The following SDCCAG8 variants were observed in gnomAD, a reference collection of about 807,000 sequenced individuals.
The protein encoded by SDCCAG8 is serologically defined colon cancer antigen 8.
Under a neutral mutation model 101.8 loss-of-function variants are expected in SDCCAG8, and 74 were observed. That is an observed-to-expected ratio of 0.73 (90% CI 0.60 to 0.88). The LOEUF (loss-of-function observed/expected upper bound fraction) is 0.88, where lower values mean the gene tolerates loss of function less well. Ranked by LOEUF, SDCCAG8 falls within the 40% of genes least tolerant of loss-of-function variation. SDCCAG8 has a pLI of 0.00. For missense variants in SDCCAG8, 787 were observed against 822.6 expected (o/e 0.96, Z 0.53); for synonymous variants, 281 against 292.9 (o/e 0.96, Z 0.41).
chr1:243,424,623 T>C (rs2081223863), intron 15 of SDCCAG8, among the ~76,000 whole-genome samples: 1 of 152,054 alleles, frequency 6.6e-6, no homozygotes, highest in Non-Finnish European at 1.5e-5. Context: ...ATAGCCACAT[T>C]ATCAGAATAA....
intron 13 of SDCCAG8, among the ~76,000 whole-genome samples, chr1:243,391,284 G>T (rs970537227): frequency 2.0e-5 from 3 of 152,234 alleles, no homozygotes; most frequent in Non-Finnish European, 4.4e-5. Flanking sequence ...GAGGCTTAGG[G>T]AATATTCAGT....
intron 17 of SDCCAG8, among the ~76,000 whole-genome samples, chr1:243,490,213 T>C (rs1666055453): frequency 1.3e-5 from 2 of 152,200 alleles, no homozygotes; most frequent in Admixed American, 6.5e-5. Flanking sequence ...CTGCCAAACA[T>C]GTGTTCACAG....
chr1:243,364,298 A>T (rs2076875964), intron 12 of SDCCAG8, among the ~76,000 whole-genome samples: 1 of 152,200 alleles, frequency 6.6e-6, no homozygotes, highest in Non-Finnish European at 1.5e-5. Context: ...GTAACAGCTT[A>T]AAGGTAAGTT....
intron 13 of SDCCAG8, among the ~76,000 whole-genome samples, chr1:243,394,917 C>T (rs1050187193): frequency 2.0e-5 from 3 of 151,620 alleles, no homozygotes; most frequent in African/African-American, 7.3e-5. Context: ...AAACTTTTTC[C>T]TAGTTTTTCT....
intron 13 of SDCCAG8, among the ~76,000 whole-genome samples, chr1:243,388,070 C>T (rs1055998293): frequency 1.3e-5 from 2 of 152,074 alleles, no homozygotes; most frequent in African/African-American, 2.4e-5. Context: ...CCTATCCATA[C>T]GAGTCAGGAC....
At chr1:243,483,794 C>T (rs1440748127) in intron 16 of SDCCAG8, among the ~76,000 whole-genome samples, 1 of 152,182 alleles carries the variant, frequency 6.6e-6, no homozygotes, top group Admixed American at 6.5e-5. Context: ...TGCCGGATTC[C>T]AGTCCACTGC....
chr1:243,330,818 T>A, intron 10 of SDCCAG8, 126 bp downstream of exon 10: 1 of 837,868 alleles, frequency 1.2e-6, no homozygotes, highest in Non-Finnish European at 1.9e-6. Flanking sequence ...TATAAGTAGT[T>A]AAATTTCGTA....
At chr1:243,482,638 T>C (rs920917635) in intron 16 of SDCCAG8, among the ~76,000 whole-genome samples, 1 of 152,148 alleles carries the variant, frequency 6.6e-6, no homozygotes, top group Non-Finnish European at 1.5e-5. Flanking sequence ...GCAGGCTCCC[T>C]CAAGTGTCCT....
chr1:243,426,320 A>C, intron 15 of SDCCAG8, 107 bp from the exon 16 acceptor site: 1 of 960,756 alleles, frequency 1.0e-6, no homozygotes, highest in South Asian at 1.5e-5. Flanking sequence ...TCATTATGCT[A>C]TCATGTTTAA....
At chr1:243,322,631 CAT>C (rs1012415083) in intron 9 of SDCCAG8, among the ~76,000 whole-genome samples, 6 of 151,918 alleles carry the variant, frequency 3.9e-5, no homozygotes, top group Non-Finnish European at 5.9e-5. Flanking sequence ...GATCTCAACA[CAT>C]AATAAATAGG....
chr1:243,459,516 G>A (rs1000464409), intron 16 of SDCCAG8, among the ~76,000 whole-genome samples: 6 of 152,050 alleles, frequency 3.9e-5, no homozygotes, highest in Non-Finnish European at 8.8e-5. Context: ...TGGGGGGTGG[G>A]GGGTGGAAAT....
At chr1:243,470,807 G>C (rs1389688570) in intron 16 of SDCCAG8, among the ~76,000 whole-genome samples, 6 of 152,134 alleles carry the variant, frequency 3.9e-5, no homozygotes, top group African/African-American at 1.2e-4. Flanking sequence ...GAGAGAGCGA[G>C]CTTTGAAGTG....
intron 12 of SDCCAG8, among the ~76,000 whole-genome samples, chr1:243,348,032 T>C (rs894064143): frequency 2.7e-5 from 4 of 146,532 alleles, no homozygotes; most frequent in African/African-American, 5.0e-5. Flanking sequence ...ATTTTTTTTT[T>C]TTTTCTTTTT....
chr1:243,449,141 A>G (rs926106171), intron 16 of SDCCAG8, among the ~76,000 whole-genome samples: 12 of 152,218 alleles, frequency 7.9e-5, no homozygotes, highest in African/African-American at 2.4e-4. Flanking sequence ...TGATCTCATT[A>G]TAACTGGAGT....
chr1:243,393,902 CT>C (rs762390688), intron 13 of SDCCAG8, among the ~76,000 whole-genome samples: 6 of 152,090 alleles, frequency 3.9e-5, no homozygotes. Flanking sequence ...ACTTGCCCTT[CT>C]TTTTTCCCCC....
intron 6 of SDCCAG8, among the ~76,000 whole-genome samples, chr1:243,297,228 A>G (rs1436876271): frequency 6.6e-6 from 1 of 152,092 alleles, no homozygotes; most frequent in Non-Finnish European, 1.5e-5. Context: ...GTTGTCCACC[A>G]TTATATTTGT....
intron 9 of SDCCAG8, chr1:243,318,560 C>T (rs574134616): frequency 3.0e-6 from 3 of 985,332 alleles, no homozygotes; most frequent in East Asian, 2.3e-4. Flanking sequence ...CTCTTGTCAG[C>T]CATTGCTATG....
intron 4 of SDCCAG8, among the ~76,000 whole-genome samples, chr1:243,282,204 CT>C (rs933001311): frequency 6.5e-4 from 95 of 146,916 alleles, no homozygotes; most frequent in Admixed American, 8.2e-4. Flanking sequence ...AATTGTACTT[CT>C]TTTTTTTTTT....
intron 7 of SDCCAG8, chr1:243,307,764 G>T: frequency 7.0e-7 from 1 of 1,427,806 alleles, no homozygotes; most frequent in Non-Finnish European, 9.1e-7. Context: ...AAGAACCTAA[G>T]CTAATTATGT....
Sources: gnomAD v4.1 joint callset for allele counts (sites outside exome capture counted in the v4.1 genomes callset) on GRCh38, gnomAD v4.1.1 for gene constraint, MANE v1.5 for transcripts, NCBI Gene and HGNC (gene_info 2026-07-23, HGNC 2026-07-21) for gene names.